The following EPC1 variants were observed in gnomAD, a reference collection of about 807,000 sequenced individuals.
EPC1 encodes the protein enhancer of polycomb 1, also known as enhancer of polycomb homolog 1.
In EPC1, 12 loss-of-function variants were observed where a neutral mutation model predicts 98.4. The observed-to-expected ratio is 0.12, with a 90% confidence interval of 0.08 to 0.20. The LOEUF is 0.20. EPC1 is among the 10% of genes least tolerant of loss of function. EPC1 has a pLI of 1.00. For missense variants in EPC1, 729 were observed against 990.5 expected, an observed-to-expected ratio of 0.74 and a Z score of 3.54; for synonymous variants, 357 against 363.9, an observed-to-expected ratio of 0.98 and a Z score of 0.21.
At chr10:32,332,317 G>C (rs996872222) in intron 1 of EPC1, among the ~76,000 whole-genome samples, 4 of 152,174 alleles carry the variant, frequency 2.6e-5, no homozygotes, top group African/African-American at 9.7e-5. Context: ...ATGGCCCACT[G>C]AGAGAGCATG....
intron 13 of EPC1, among the ~76,000 whole-genome samples, chr10:32,270,576 G>A (rs1291570287): frequency 2.0e-5 from 3 of 152,088 alleles, no homozygotes; most frequent in African/African-American, 7.2e-5. Context: ...TGTAATTCCA[G>A]CACTTTGGGA....
chr10:32,272,617 A>C (rs1302834370), intron 11 of EPC1, among the ~76,000 whole-genome samples: 1 of 152,240 alleles, frequency 6.6e-6, no homozygotes, highest in Non-Finnish European at 1.5e-5. Flanking sequence ...GGATAAGATA[A>C]CTATCCCTTT....
chr10:32,332,573 T>C (rs932220775), intron 1 of EPC1, among the ~76,000 whole-genome samples: 6 of 152,128 alleles, frequency 3.9e-5, no homozygotes, highest in African/African-American at 1.2e-4. Flanking sequence ...ACACAGGTAG[T>C]AGAGAGAACT....
At chr10:32,301,201 G>A (rs898160191) in intron 2 of EPC1, among the ~76,000 whole-genome samples, 1 of 152,090 alleles carries the variant, frequency 6.6e-6, no homozygotes, top group Non-Finnish European at 1.5e-5. Flanking sequence ...GTATTAAGCG[G>A]AGAGCCAGGT....
intron 1 of EPC1, among the ~76,000 whole-genome samples, chr10:32,345,896 G>C (rs1437838455): frequency 6.6e-6 from 1 of 152,158 alleles, no homozygotes; most frequent in Non-Finnish European, 1.5e-5. Flanking sequence ...AGATACCAGA[G>C]AGCAGGAGAA....
chr10:32,294,251 A>G (rs1835012125), intron 2 of EPC1, among the ~76,000 whole-genome samples: 2 of 152,256 alleles, frequency 1.3e-5, no homozygotes, highest in African/African-American at 4.8e-5. Context: ...ATAACAGTAC[A>G]GGTTGAGAAT....
chr10:32,300,251 T>A (rs1564533671), intron 2 of EPC1, among the ~76,000 whole-genome samples: 1 of 151,838 alleles, frequency 6.6e-6, no homozygotes, highest in Non-Finnish European at 1.5e-5. Context: ...TTTTTAAATT[T>A]TTTTTTATTA....
At chr10:32,329,177 G>A (rs1409556589) in intron 1 of EPC1, among the ~76,000 whole-genome samples, 1 of 152,188 alleles carries the variant, frequency 6.6e-6, no homozygotes, top group Non-Finnish European at 1.5e-5. Flanking sequence ...AGCAAAAGTG[G>A]CATGTAACTT....
At chr10:32,308,351 C>T (rs895418346) in intron 1 of EPC1, among the ~76,000 whole-genome samples, 1 of 151,180 alleles carries the variant, frequency 6.6e-6, no homozygotes, top group Non-Finnish European at 1.5e-5. Flanking sequence ...GACTGCACCG[C>T]TGCACTCCAG....
chr10:32,340,554 G>A (rs1454788444), intron 1 of EPC1, among the ~76,000 whole-genome samples: 1 of 152,188 alleles, frequency 6.6e-6, no homozygotes, highest in African/African-American at 2.4e-5. Flanking sequence ...CTAGGGCCAG[G>A]TGCAGTGGTT....
chr10:32,295,377 TA>T (rs1020998180), intron 2 of EPC1, among the ~76,000 whole-genome samples: 1 of 152,174 alleles, frequency 6.6e-6, no homozygotes, highest in Non-Finnish European at 1.5e-5. Context: ...CCTGGGGAAG[TA>T]AAAAAACATT....
At chr10:32,315,616 G>A (rs896694476) in intron 1 of EPC1, among the ~76,000 whole-genome samples, 1 of 152,188 alleles carries the variant, frequency 6.6e-6, no homozygotes, top group South Asian at 2.1e-4. Flanking sequence ...TGTAGAGGGA[G>A]ACTCCATTGC....
At chr10:32,300,116 T>C (rs1835408467) in intron 2 of EPC1, among the ~76,000 whole-genome samples, 1 of 152,112 alleles carries the variant, frequency 6.6e-6, no homozygotes, top group Admixed American at 6.5e-5. Context: ...TTTCACTGTG[T>C]TAGCTAGGAT....
intron 1 of EPC1, among the ~76,000 whole-genome samples, chr10:32,310,591 T>A (rs1313786500): frequency 1.3e-5 from 2 of 152,214 alleles, no homozygotes; most frequent in African/African-American, 4.8e-5. Context: ...CTCACTGCTT[T>A]AAAAAATCTT....
At chr10:32,289,552 G>C (rs1366965449) in intron 6 of EPC1, among the ~76,000 whole-genome samples, 1 of 151,870 alleles carries the variant, frequency 6.6e-6, no homozygotes, top group Non-Finnish European at 1.5e-5. Context: ...AAATGATGCA[G>C]GGGAGATAAA....
intron 1 of EPC1, among the ~76,000 whole-genome samples, chr10:32,317,578 G>A (rs986276147): frequency 6.6e-6 from 1 of 152,146 alleles, no homozygotes; most frequent in Non-Finnish European, 1.5e-5. Context: ...GGAGGTGGAG[G>A]TTGTAGTGAG....
intron 5 of EPC1, 160 bp from the exon 6 acceptor site, chr10:32,291,482 C>T (rs1834846739): frequency 5.3e-6 from 3 of 570,652 alleles, no homozygotes; most frequent in Non-Finnish European, 5.9e-6. Context: ...GGTGAGATTA[C>T]TTAAGATCTA....
intron 2 of EPC1, among the ~76,000 whole-genome samples, chr10:32,304,621 GA>G (rs1835764715): frequency 6.6e-6 from 1 of 152,090 alleles, no homozygotes; most frequent in Admixed American, 6.6e-5. Flanking sequence ...TGGTCCCCTA[GA>G]AAAACCTCTT....
intron 1 of EPC1, among the ~76,000 whole-genome samples, chr10:32,354,812 A>G (rs1231781590): frequency 6.6e-6 from 1 of 152,012 alleles, no homozygotes; most frequent in Admixed American, 6.6e-5. Context: ...CCGGCATTAG[A>G]TTCTCATAGG....
Sources: gnomAD v4.1 joint callset for allele counts (sites outside exome capture counted in the v4.1 genomes callset) on GRCh38, gnomAD v4.1.1 for gene constraint, MANE v1.5 for transcripts, NCBI Gene and HGNC (gene_info 2026-07-23, HGNC 2026-07-21) for gene names.